Variants in KIAA1614 observed in about 807,000 individuals in gnomAD.
The protein encoded by KIAA1614 is KIAA1614, also known as uncharacterized protein KIAA1614.
In KIAA1614, 76 loss-of-function variants were observed where a neutral mutation model predicts 88.7. The observed-to-expected ratio is 0.86, with a 90% CI of 0.71 to 1.04. The LOEUF (loss-of-function observed/expected upper bound fraction) is 1.04. Among genes scored for constraint, KIAA1614 ranks in the 50% least tolerant of loss-of-function variants. The pLI is 0.00. For missense variants in KIAA1614, 1,553 were observed against 1,582.5 expected (o/e 0.98, Z 0.32); for synonymous variants, 714 against 675.5 (o/e 1.06, Z -0.88).
chr1:180,935,248 C>T lies in KIAA1614; in HGVS notation c.1339C>T (p.Pro447Ser). ...GGHRPRRGPS[P>S]SHVRFEDESA... ...GCACAGGCCGAGGCGGGGCCCCTCG[C>T]CGTCGCACGTGCGCTTTGAGGATGA... The change falls in exon 5 of 9, where the codon CCG (proline) becomes TCG (serine). Residue 447 changes from proline to serine, a missense_variant. Physicochemically the swap from Pro to Ser is moderately conservative, Grantham distance 74. Transcript: ENST00000367588. This position sits in a 1 kb window ranked among gnomAD's most constrained non-coding sequence, Gnocchi z 6.1. 1.3e-6 allele frequency: 2 copies of T among 1,527,794 alleles called. No homozygotes were observed. Among genetic ancestry groups the T allele is most frequent in the South Asian group, 1.3e-5 (1 of 79,138 alleles). The allele number at this position is 1,527,794 out of a possible 1,614,324, so 94.6% of individuals were successfully genotyped here. A position where few individuals can be genotyped will look rare whatever the true frequency, so the allele number is the denominator to read the frequency against.
At chr1:180,922,405 G>C (rs1355497217) in intron 3 of KIAA1614, among the ~76,000 whole-genome samples, 1 of 152,096 alleles carries the variant, frequency 6.6e-6, no homozygotes, top group Non-Finnish European at 1.5e-5. Flanking sequence ...GTGAGTGATC[G>C]AGGACCAAAA....
rs972512602 is a variant in KIAA1614, at chr1:180,917,309, C to T, written c.997+209C>T. ...CTCACAGGCAGCCTGTCTGCCGAAG[C>T]CCCCCATGACCCTGCAGACCAATAG... On this transcript the variant is annotated intron_variant, in intron 2 of 8. Transcript: ENST00000367588. Among the ~76,000 whole-genome samples the T allele has an allele frequency of 4.6e-5, 7 of 152,168 alleles. No individual in the cohort carries two copies. In the East Asian group the frequency reaches 9.6e-4, roughly 21 times the overall value.
chr1:180,930,620 C>G (rs1654176245), intron 4 of KIAA1614, among the ~76,000 whole-genome samples: 1 of 152,224 alleles, frequency 6.6e-6, no homozygotes, highest in Non-Finnish European at 1.5e-5. Context: ...TCCTCTTGGA[C>G]ACTTCTTCCT....
Position 180,943,027 on chromosome 1 carries a change from G to GTTTTTTTTTTTTTTTT in KIAA1614, c.3160-1362_3160-1361insTTTTTTTTTTTTTTTT, listed in dbSNP as rs1261396134. Reference sequence around the variant, plus strand: ...GTTTGCTGGGAGGCTTAGTTTTTTGGGTTTTTTTTTTTTTTTTAAGATGGA... The same window carrying GTTTTTTTTTTTTTTTT: ...GTTTGCTGGGAGGCTTAGTTTTTTGGTTTTTTTTTTTTTTTTGTTTTTTTTTTTTTTTTAAGATGGA... On this transcript the variant is annotated intron_variant, in intron 7 of 8. Transcript: ENST00000367588. Among the ~76,000 whole-genome samples, 53 of 22,332 alleles carry GTTTTTTTTTTTTTTTT rather than the reference G, an allele frequency of 2.4e-3. 3 individuals are homozygous for GTTTTTTTTTTTTTTTT. The highest frequency in any genetic ancestry group is 5.0e-3 in the African/African-American group (53 of 10,534). The allele number at this position is 22,332 out of a possible 152,430, so 14.7% of individuals were successfully genotyped here. A position where few individuals can be genotyped will look rare whatever the true frequency, so the allele number is the denominator to read the frequency against.
chr1:180,918,285 G>A (rs753543635), intron 3 of KIAA1614, among the ~76,000 whole-genome samples: 95 of 152,136 alleles, frequency 6.2e-4, no homozygotes, highest in Non-Finnish European at 8.7e-4. Context: ...TGAGATCATC[G>A]TTGTGAAAAT....
At chr1:180,921,074 A>T (rs1653943546) in intron 3 of KIAA1614, among the ~76,000 whole-genome samples, 1 of 152,200 alleles carries the variant, frequency 6.6e-6, no homozygotes, top group Non-Finnish European at 1.5e-5. Context: ...GTGAGCAACA[A>T]GTCTGTTTAT....
chr1:180,943,565 T>G (rs1654519309), intron 7 of KIAA1614, among the ~76,000 whole-genome samples: 1 of 143,606 alleles, frequency 7.0e-6, no homozygotes, highest in African/African-American at 2.6e-5. Flanking sequence ...TTTTTTTTTT[T>G]TGAGACAGGG....
chr1:180,917,709 T>C (rs1653851193), intron 2 of KIAA1614, 142 bp from the exon 3 acceptor site: 3 of 705,218 alleles, frequency 4.3e-6, no homozygotes, highest in African/African-American at 1.8e-5. Context: ...AGGCTCAGCC[T>C]CCAATTTTCA....
chr1:180,933,905 A>G (rs185943677), intron 4 of KIAA1614, among the ~76,000 whole-genome samples: 2 of 152,362 alleles, frequency 1.3e-5, no homozygotes, highest in African/African-American at 4.8e-5. Context: ...TGAATTATGC[A>G]TAAGCAAGGT....
In KIAA1614 at chr1:180,935,250, G is replaced by A. The variant is rs367580124; in HGVS notation, c.1341G>A (p.Pro447=). ...GGHRPRRGPS[P]SHVRFEDESA... is the part of the protein sequence containing the mutation. Reference sequence around the variant, plus strand: ...ACAGGCCGAGGCGGGGCCCCTCGCCGTCGCACGTGCGCTTTGAGGATGAGT... The same window carrying A: ...ACAGGCCGAGGCGGGGCCCCTCGCCATCGCACGTGCGCTTTGAGGATGAGT... Residue 447 remains proline, a synonymous_variant, in exon 5 of 9, where the codon CCG becomes CCA. Coordinates refer to ENST00000367588, the MANE Select transcript of KIAA1614 (RefSeq NM_020950.2). This position sits in a 1 kb window ranked among gnomAD's most constrained non-coding sequence, Gnocchi z 6.1. The A allele has an allele frequency of 1.9e-5, 29 of 1,526,386 alleles. 1 individual carries two copies. Among genetic ancestry groups the A allele is most frequent in the African/African-American group, 1.9e-4 (13 of 69,590 alleles). The allele number at this position is 1,526,386 out of a possible 1,614,324, so 94.6% of individuals were successfully genotyped here. A position where few individuals can be genotyped will look rare whatever the true frequency, so the allele number is the denominator to read the frequency against.
chr1:180,938,516 A>G (rs1558071555), intron 5 of KIAA1614, 39 bp from the exon 6 acceptor site: 2 of 1,605,174 alleles, frequency 1.2e-6, no homozygotes, highest in Admixed American at 1.7e-5. Flanking sequence ...CTGTGGGATG[A>G]GCCGGTCTGA....
rs978051684 is a variant in KIAA1614 at position 180,913,263 on chromosome 1, C to G, written c.20C>G (p.Ala7Gly). Residue 7 changes from alanine (A) to glycine (G), a missense_variant, in exon 1 of 9, where the codon GCG becomes GGG. Physicochemically the swap from Ala to Gly is moderately conservative, Grantham distance 60 (BLOSUM62 0). Transcript: ENST00000367588. Reference protein sequence around the residue: MEGTEAAAAKPAGGSPQ... With the variant: MEGTEAGAAKPAGGSPQ... ...CGAGGGATGGAGGGGACAGAGGCGG[C>G]GGCGGCCAAACCCGCGGGCGGCAGC... 6 of 1,260,650 alleles carry G rather than the reference C, an allele frequency of 4.8e-6. No individual in the cohort carries two copies. The highest frequency in any genetic ancestry group is 6.0e-6 in the Non-Finnish European group (6 of 997,228). 78.1% of individuals were successfully genotyped at this position (1,260,650 alleles called of 1,614,324 possible). A position where few individuals can be genotyped will look rare whatever the true frequency, so the allele number is the denominator to read the frequency against.
chr1:180,928,485 C>T lies in KIAA1614; in HGVS notation c.1117C>T (p.His373Tyr), dbSNP rs528659468. The T allele has an allele frequency of 5.8e-5, 93 of 1,613,308 alleles. 1 individual carries two copies. The South Asian group carries it at 9.0e-4, about 16-fold the overall frequency. Residue 373 changes from histidine to tyrosine, a missense_variant, in exon 4 of 9, where the codon CAT becomes TAT. Coordinates refer to ENST00000367588, the MANE Select transcript of KIAA1614 (RefSeq NM_020950.2). ...VLSPRHEEAT[H>Y]LLQRARMKAR... ...GAGCCCCAGGCATGAGGAAGCCACG[C>T]ATCTGCTGCAGCGTGCCCGCATGAA...
intron 7 of KIAA1614, among the ~76,000 whole-genome samples, chr1:180,941,726 G>T (rs916104174): frequency 6.6e-6 from 1 of 152,172 alleles, no homozygotes; most frequent in African/African-American, 2.4e-5. Flanking sequence ...CTTCTGATAT[G>T]CAAATCCGAC....
chr1:180,929,775 A>G lies in KIAA1614; in HGVS notation c.1205+1202A>G, dbSNP rs550329506. 3.3e-5 allele frequency among the ~76,000 whole-genome samples: 5 copies of G among 152,310 alleles called. No homozygotes were observed. The South Asian group carries it at 8.3e-4, about 25-fold the overall frequency. On this transcript the variant is annotated intron_variant, in intron 4 of 8. Coordinates refer to ENST00000367588, the MANE Select transcript of KIAA1614 (RefSeq NM_020950.2). The stretch of plus-strand genomic sequence containing the variant: ...CCAGGTCTCACCAGGCCCAAGCAAG[A>G]CCACTTCTGCAGCTAGCAAAGCCTG...
rs1021628416 is a variant in KIAA1614 at position 180,949,441 on chromosome 1, CGGTTGAGGCCGGCGGGCGGG to C, written c.*3859_*3878del. On this transcript the variant is annotated 3_prime_UTR_variant, in exon 9 of 9. Transcript: ENST00000367588. Reference sequence around the variant, plus strand: ...GGGGAATTTGAAAGGTTTCCAGCCGCGGTTGAGGCCGGCGGGCGGGGGTTGGGGGCAGGGGGCCTCCTCAG... The same window carrying C: ...GGGGAATTTGAAAGGTTTCCAGCCGCGGTTGGGGGCAGGGGGCCTCCTCAG... The C allele has an allele frequency of 3.3e-5, 5 of 152,390 alleles. No homozygotes were observed. Among genetic ancestry groups the C allele is most frequent in the African/African-American group, 1.2e-4 (5 of 41,460 alleles). 9.4% of individuals were successfully genotyped at this position (152,390 alleles called of 1,614,324 possible). A position where few individuals can be genotyped will look rare whatever the true frequency, so the allele number is the denominator to read the frequency against.
chr1:180,916,015 C>G (rs1420627816), intron 1 of KIAA1614, 139 bp from the exon 2 acceptor site: 1 of 530,056 alleles, frequency 1.9e-6, no homozygotes, highest in Non-Finnish European at 3.2e-6. Flanking sequence ...GACCACTGAT[C>G]AAGAGAGCAT....
In KIAA1614 at chr1:180,945,771, T is replaced by C; in HGVS notation, c.*183T>C. ...GCGGGAGGGGGTAGAGTTGGCAGGT[T>C]TGACTCCACTGTCCCCCTGCTGTCT... is the stretch of plus-strand genomic sequence containing the variant. On this transcript the variant is annotated 3_prime_UTR_variant, in exon 9 of 9. Coordinates refer to ENST00000367588, the MANE Select transcript of KIAA1614 (RefSeq NM_020950.2). 1 of 1,362,418 alleles carries C rather than the reference T, an allele frequency of 7.3e-7. No homozygotes were observed. The highest frequency in any genetic ancestry group is 9.4e-7 in the Non-Finnish European group (1 of 1,067,666). The allele number at this position is 1,362,418 out of a possible 1,614,324, so 84.4% of individuals were successfully genotyped here.
At chr1:180,923,549 T>C (rs3843279) in intron 3 of KIAA1614, among the ~76,000 whole-genome samples, 148,952 of 152,304 alleles carry the variant, frequency 0.98, 72,932 homozygotes, top group Middle Eastern at 1. Context: ...TTTGCTCTTA[T>C]TGTGCCCTGC....
Sources: gnomAD v4.1 joint callset for allele counts (sites outside exome capture counted in the v4.1 genomes callset) on GRCh38, gnomAD v4.1.1 for gene constraint, Gnocchi (gnomAD v3.1) non-coding constraint, MANE v1.5 for transcripts, NCBI Gene and HGNC (gene_info 2026-07-23, HGNC 2026-07-21) for gene names.